The following GHR variants were observed in gnomAD, a reference collection of about 807,000 sequenced individuals.
GHR encodes the protein growth hormone receptor.
Under a neutral mutation model 67.1 loss-of-function variants are expected in GHR, and 35 were observed. The observed-to-expected ratio is 0.52, with a 90% CI of 0.40 to 0.69. GHR has a LOEUF of 0.69. Ranked by LOEUF, GHR falls within the 30% of genes least tolerant of loss-of-function variation. GHR has a pLI of 0.00. For missense variants in GHR, 792 were observed against 764.6 expected (o/e 1.04, Z -0.42); for synonymous variants, 272 against 269.1 (o/e 1.01, Z -0.10).
chr5:42,706,343 T>C (rs1368541342), intron 6 of GHR, among the ~76,000 whole-genome samples: 1 of 152,192 alleles, frequency 6.6e-6, no homozygotes, highest in Non-Finnish European at 1.5e-5. Context: ...TTCTGTAGAT[T>C]ATCTGTTTTT....
At chr5:42,628,888 G>C in intron 2 of GHR, 150 bp from the exon 3 acceptor site, 1 of 630,004 alleles carries the variant, frequency 1.6e-6, no homozygotes, top group Non-Finnish European at 2.9e-6. Flanking sequence ...TCCCATTGTG[G>C]CCAGGAACCT....
intron 1 of GHR, among the ~76,000 whole-genome samples, chr5:42,444,885 C>T (rs1478568609): frequency 6.6e-6 from 1 of 152,136 alleles, no homozygotes; most frequent in Non-Finnish European, 1.5e-5. Context: ...TTCTTTGGCA[C>T]ATTTATTAAG....
At chr5:42,433,186 C>A (rs1168362712) in intron 1 of GHR, among the ~76,000 whole-genome samples, 1 of 151,684 alleles carries the variant, frequency 6.6e-6, no homozygotes, top group Non-Finnish European at 1.5e-5. Context: ...ATCTACTTTG[C>A]CAGATCTTAG....
intron 2 of GHR, among the ~76,000 whole-genome samples, chr5:42,570,056 C>T (rs1750198301): frequency 7.2e-6 from 1 of 138,354 alleles, no homozygotes; most frequent in African/African-American, 3.1e-5. Flanking sequence ...AAAATAAACT[C>T]TATTCCACCA....
At chr5:42,628,176 T>A (rs997043153) in intron 2 of GHR, among the ~76,000 whole-genome samples, 1 of 152,196 alleles carries the variant, frequency 6.6e-6, no homozygotes, top group African/African-American at 2.4e-5. Context: ...TCTGTTGGTC[T>A]GCTGGTCTGC....
Position 42,424,997 on chromosome 5 carries a change from T to C in GHR, c.-12+1042T>C, listed in dbSNP as rs2111855197. ...GAAGAGGCCACAGAGGTGCCGCCTG[T>C]CTGTTTGTGCCGCCAGGAGACCTTG... is the stretch of plus-strand genomic sequence containing the variant. On this transcript the variant is annotated intron_variant, in intron 1 of 9. Transcript: ENST00000230882. This position sits in a 1 kb window ranked among gnomAD's most constrained non-coding sequence, Gnocchi z 4.1. The C allele has an allele frequency of 1.0e-6, 1 of 985,294 alleles. No homozygotes were observed. The highest frequency in any genetic ancestry group is 1.2e-6 in the Non-Finnish European group (1 of 829,824). 61.0% of individuals were successfully genotyped at this position (985,294 alleles called of 1,614,324 possible). A position where few individuals can be genotyped will look rare whatever the true frequency, so the allele number is the denominator to read the frequency against.
intron 1 of GHR, among the ~76,000 whole-genome samples, chr5:42,527,757 C>T (rs1191518788): frequency 6.6e-6 from 1 of 152,168 alleles, no homozygotes; most frequent in Non-Finnish European, 1.5e-5. Flanking sequence ...AATATACATT[C>T]TTCTCATCAC....
At chr5:42,659,278 G>C (rs565773858) in intron 3 of GHR, 2 of 152,326 alleles carry the variant, frequency 1.3e-5, no homozygotes, top group South Asian at 2.1e-4. Context: ...CTGAAATCCA[G>C]CTAGCTTCAA....
intron 2 of GHR, among the ~76,000 whole-genome samples, chr5:42,570,122 A>G (rs1259757258): frequency 2.0e-5 from 3 of 152,230 alleles, no homozygotes; most frequent in Non-Finnish European, 4.4e-5. Flanking sequence ...GATATATTTC[A>G]CACAAGTATT....
chr5:42,671,955 C>CAAA (rs33965774), intron 3 of GHR, among the ~76,000 whole-genome samples: 5 of 111,116 alleles, frequency 4.5e-5, no homozygotes, highest in African/African-American at 7.4e-5. Context: ...GACTCCGTCT[C>CAAA]AAAAAAAAAA....
chr5:42,697,552 G>A (rs1757733351), intron 5 of GHR, among the ~76,000 whole-genome samples: 1 of 74,680 alleles, frequency 1.3e-5, no homozygotes, highest in Non-Finnish European at 3.4e-5. Context: ...CAGCAAGGGG[G>A]CACGCCAGAA....
At chr5:42,465,861 A>C in intron 1 of GHR, 1 of 741,076 alleles carries the variant, frequency 1.3e-6, no homozygotes, top group Non-Finnish European at 2.5e-6. Context: ...CTATCAACTG[A>C]AAATTCGCCT....
At chr5:42,656,775 C>A (rs1755277689) in intron 3 of GHR, among the ~76,000 whole-genome samples, 1 of 152,166 alleles carries the variant, frequency 6.6e-6, no homozygotes, top group Non-Finnish European at 1.5e-5. Context: ...TTTATTCCAG[C>A]AAATTTAGAC....
chr5:42,647,770 T>C, intron 3 of GHR: 1 of 414,270 alleles, frequency 2.4e-6, no homozygotes, highest in South Asian at 1.8e-5. Flanking sequence ...GTTTTTCCAC[T>C]CTTTGCTCTT....
intron 1 of GHR, among the ~76,000 whole-genome samples, chr5:42,537,253 A>AGT (rs1167529218): frequency 2.0e-5 from 3 of 151,936 alleles, no homozygotes; most frequent in South Asian, 2.1e-4. Flanking sequence ...GACCTTAGAA[A>AGT]GTCACTTTGT....
intron 4 of GHR, among the ~76,000 whole-genome samples, chr5:42,690,842 TAGTA>T (rs1757389195): frequency 6.6e-6 from 1 of 152,170 alleles, no homozygotes; most frequent in African/African-American, 2.4e-5. Context: ...GACATGAAGT[TAGTA>T]TGTTTGATGA....
chr5:42,575,903 G>A (rs528575991), intron 2 of GHR, among the ~76,000 whole-genome samples: 5 of 151,094 alleles, frequency 3.3e-5, no homozygotes, highest in Non-Finnish European at 5.9e-5. Context: ...GCAGGGTGGC[G>A]GGCACCTGTA....
intron 3 of GHR, among the ~76,000 whole-genome samples, chr5:42,680,011 C>T (rs1038646663): frequency 8.5e-5 from 13 of 152,218 alleles, no homozygotes; most frequent in Admixed American, 3.3e-4. Flanking sequence ...TCTGTAACAT[C>T]GCCTTAACCA....
intron 1 of GHR, among the ~76,000 whole-genome samples, chr5:42,466,226 C>G (rs904586611): frequency 6.6e-6 from 1 of 152,086 alleles, no homozygotes; most frequent in Non-Finnish European, 1.5e-5. Flanking sequence ...AGGGAATGGT[C>G]AGAACAGACT....
Sources: allele counts gnomAD v4.1 joint callset (sites outside exome capture counted in the v4.1 genomes callset), GRCh38; gene constraint gnomAD v4.1.1; non-coding constraint Gnocchi (gnomAD v3.1); transcripts MANE v1.5; gene names NCBI Gene and HGNC (gene_info 2026-07-23, HGNC 2026-07-21).